Variants in GSPT1 observed in about 807,000 individuals in gnomAD.
GSPT1 encodes G1 to S phase transition 1.
A neutral mutation model predicts 72.5 loss-of-function variants in GSPT1; 20 were observed. The ratio of observed to expected loss-of-function variants is 0.28; its 90% confidence interval spans 0.19 to 0.40. The LOEUF is 0.40. GSPT1 is among the 10% of genes least tolerant of loss of function. GSPT1 has a pLI of 1.00. For synonymous variants in GSPT1, 334 were observed against 293.5 expected (o/e 1.14, Z -1.41); for missense variants, 580 against 811.9 (o/e 0.71, Z 3.47).
At position 11,868,457 on chromosome 16, in the gene GSPT1, T is replaced by G. The variant is rs1183558059; in HGVS notation, c.*4662A>C. On this transcript the variant is annotated 3_prime_UTR_variant, in exon 15 of 15. Transcript: ENST00000434724. ...GGCCTGAGAGATACCCACATTTCCT[T>G]TAGAACAAACAGAACTAATACCTGT... 3.3e-5 allele frequency: 5 copies of G among 152,010 alleles called. No individual in the cohort carries two copies. The highest frequency in any genetic ancestry group is 7.4e-5 in the Non-Finnish European group (5 of 68,016). 9.4% of individuals were successfully genotyped at this position (152,010 alleles called of 1,614,324 possible).
intron 4 of GSPT1, 141 bp from the exon 5 acceptor site, chr16:11,895,128 C>G (rs774940607): frequency 1.7e-6 from 1 of 596,160 alleles, no homozygotes; most frequent in East Asian, 3.0e-5. Flanking sequence ...TTACCCTTCT[C>G]CTTTTGAAAA....
intron 10 of GSPT1, among the ~76,000 whole-genome samples, chr16:11,884,282 T>C (rs1183645682): frequency 1.3e-5 from 2 of 152,214 alleles, no homozygotes; most frequent in Admixed American, 6.6e-5. Context: ...TTTACCAATA[T>C]GCATCAACTT....
intron 1 of GSPT1, among the ~76,000 whole-genome samples, chr16:11,910,207 G>A (rs1054199277): frequency 6.6e-6 from 1 of 152,136 alleles, no homozygotes; most frequent in African/African-American, 2.4e-5. Context: ...CAAGGCATTC[G>A]CAAAGAACAG....
intron 1 of GSPT1, among the ~76,000 whole-genome samples, chr16:11,907,459 G>C (rs1248888463): frequency 6.6e-6 from 1 of 152,136 alleles, no homozygotes; most frequent in Admixed American, 6.5e-5. Flanking sequence ...ATAAGGGGTG[G>C]TAAATGCTCA....
intron 1 of GSPT1, chr16:11,908,759 C>CAAAAAAAAAAAA (rs764948242): frequency 2.7e-4 from 7 of 25,668 alleles, no homozygotes; most frequent in Non-Finnish European, 2.7e-4. Flanking sequence ...GACTCCGTCT[C>CAAAAAAAAAAAA]AAAAAAAAAA....
At position 11,877,631 on chromosome 16, in the gene GSPT1, G is replaced by C; in HGVS notation, c.1429-51C>G. ...TTTTCTGACACATTCACTGCATTACGCAACATAAAATGATCTGAATGTCTG... is the reference window on the plus strand; with the variant it reads ...TTTTCTGACACATTCACTGCATTACCCAACATAAAATGATCTGAATGTCTG... On this transcript the variant is annotated intron_variant, in intron 11 of 14. Transcript: ENST00000434724. This position sits in a 1 kb window ranked among gnomAD's most constrained non-coding sequence, Gnocchi z 4.0. 8.8e-7 allele frequency: 1 copy of C among 1,142,552 alleles called. No individual in the cohort carries two copies. Among genetic ancestry groups the C allele is most frequent in the South Asian group, 1.6e-5 (1 of 62,480 alleles). The allele number at this position is 1,142,552 out of a possible 1,614,324, so 70.8% of individuals were successfully genotyped here. A position where few individuals can be genotyped will look rare whatever the true frequency, so the allele number is the denominator to read the frequency against.
chr16:11,893,305 T>G (rs116109805), intron 5 of GSPT1, among the ~76,000 whole-genome samples: 1,826 of 152,196 alleles, frequency 0.012, 36 homozygotes, highest in African/African-American at 0.042. Context: ...TTTTATTTTT[T>G]ATAGAAATGA....
At chr16:11,895,170 C>T in intron 4 of GSPT1, 183 bp from the exon 5 acceptor site, 1 of 496,098 alleles carries the variant, frequency 2.0e-6, no homozygotes, top group East Asian at 3.5e-5. Flanking sequence ...GTGGCTCACG[C>T]CTGTAATTCC....
At position 11,915,671 on chromosome 16, in the gene GSPT1, CT is replaced by C; in HGVS notation, c.49del (p.Ser17AlafsTer130). On this transcript the variant is annotated frameshift_variant, in exon 1 of 15. Coordinates refer to ENST00000434724, the MANE Select transcript of GSPT1 (RefSeq NM_002094.4). LOFTEE classifies it high-confidence loss of function. ...GGGGGGGGGGSSSGSSSSDSA... is the reference protein window; with the variant it reads ...GGGGGGGGGGXSSGSSSSDSA... ...GTCGCTGCTGCTGCTGCCGCTGCTG[CT>C]CCCGCCGCCGCCGCCGCCGCCGCCG... 1 of 1,485,146 alleles carries C rather than the reference CT, an allele frequency of 6.7e-7. No individual in the cohort carries two copies. Among genetic ancestry groups the C allele is most frequent in the Non-Finnish European group, 8.9e-7 (1 of 1,122,556 alleles). The allele number at this position is 1,485,146 out of a possible 1,614,324, so 92.0% of individuals were successfully genotyped here. A position where few individuals can be genotyped will look rare whatever the true frequency, so the allele number is the denominator to read the frequency against.
chr16:11,900,403 T>TA (rs2054391446), intron 1 of GSPT1, among the ~76,000 whole-genome samples: 1 of 151,490 alleles, frequency 6.6e-6, no homozygotes, highest in South Asian at 2.1e-4. Context: ...CAGACAAGGA[T>TA]AAAAGTACTC....
Position 11,885,252 on chromosome 16 carries a change from G to T in GSPT1, c.1276C>A (p.Leu426Met), listed in dbSNP as rs2054173831. The change falls in exon 10 of 15, where the codon CTG (leucine) becomes ATG (methionine). Residue 426 changes from leucine to methionine, a missense_variant. Leu to Met is a conservative substitution (Grantham distance 15). Coordinates refer to ENST00000434724, the MANE Select transcript of GSPT1 (RefSeq NM_002094.4). ...WYIGLPFIPY[L>M]DNLPNFNRSV... The stretch of plus-strand genomic sequence containing the variant: ...CTATTGAAGTTCGGCAAATTATCCA[G>T]ATATGGAATAAACGGTAATCCACTG... 9 of 1,575,524 alleles carry T rather than the reference G, an allele frequency of 5.7e-6. No individual in the cohort carries two copies. The highest frequency in any genetic ancestry group is 7.0e-6 in the Non-Finnish European group (8 of 1,145,208).
chr16:11,897,748 T>C (rs1362828597), intron 3 of GSPT1, 92 bp downstream of exon 3: 2 of 719,702 alleles, frequency 2.8e-6, no homozygotes, highest in Non-Finnish European at 5.0e-6. Context: ...AATGTAGGCA[T>C]TACAATAATC....
In GSPT1 at chr16:11,915,673, CCCGCCGCCGCCGCCG is replaced by C. The variant is rs3031121; in HGVS notation, c.33_47del (p.Gly12_Gly16del). 2.6e-4 allele frequency: 376 copies of C among 1,471,970 alleles called. 1 individual carries two copies. The highest frequency in any genetic ancestry group is 7.1e-4 in the African/African-American group (47 of 66,262). 91.2% of individuals were successfully genotyped at this position (1,471,970 alleles called of 1,614,324 possible). A position where few individuals can be genotyped will look rare whatever the true frequency, so the allele number is the denominator to read the frequency against. ...CGCTGCTGCTGCTGCCGCTGCTGCT[CCCGCCGCCGCCGCCG>C]CCGCCGCCGCCGCCGCCACTGCCCG... On this transcript the variant is annotated inframe_deletion, in exon 1 of 15. Coordinates refer to ENST00000434724, the MANE Select transcript of GSPT1 (RefSeq NM_002094.4).
chr16:11,874,454 C>CTTT (rs200991035), intron 14 of GSPT1, among the ~76,000 whole-genome samples: 2,355 of 95,284 alleles, frequency 0.025, 252 homozygotes, highest in Middle Eastern at 0.036. Context: ...GCCAAGTTAG[C>CTTT]TTTTTTTTTT....
At chr16:11,897,221 C>CT (rs2054351281) in intron 3 of GSPT1, among the ~76,000 whole-genome samples, 1 of 152,148 alleles carries the variant, frequency 6.6e-6, no homozygotes, top group Non-Finnish European at 1.5e-5. Context: ...TTGGCATCAA[C>CT]TTTAATCACG....
intron 13 of GSPT1, 76 bp from the exon 14 acceptor site, chr16:11,876,005 A>G: frequency 1.4e-6 from 2 of 1,467,580 alleles, no homozygotes; most frequent in Non-Finnish European, 1.9e-6. Context: ...GTAGAAATAA[A>G]AGTGCATCAC....
At position 11,913,226 on chromosome 16, in the gene GSPT1, C is replaced by A. The variant is rs578016736; in HGVS notation, c.352+2143G>T. Among the ~76,000 whole-genome samples the A allele has an allele frequency of 1.4e-4, 21 of 152,316 alleles. 1 individual carries two copies. The South Asian group carries it at 4.4e-3, about 32-fold the overall frequency. On this transcript the variant is annotated intron_variant, in intron 1 of 14. Coordinates refer to ENST00000434724, the MANE Select transcript of GSPT1 (RefSeq NM_002094.4). ...TCTGGAACATGCAATCCAACAGTCT[C>A]AATATAACCCTGGACCTCAACTTAG...
At chr16:11,915,160 C>T (rs561385804) in intron 1 of GSPT1, 19 of 1,027,734 alleles carry the variant, frequency 1.8e-5, no homozygotes, top group Non-Finnish European at 2.1e-5. Context: ...GGCGCGCTGC[C>T]CGCTGTCCGC....
rs1156742388 is a variant in GSPT1 at position 11,880,039 on chromosome 16, C to T, written c.1429-2459G>A. Among the ~76,000 whole-genome samples, 5 of 152,230 alleles carry T rather than the reference C, an allele frequency of 3.3e-5. 1 individual carries two copies. In the East Asian group the frequency reaches 9.6e-4, roughly 29 times the overall value. On this transcript the variant is annotated intron_variant, in intron 11 of 14. Coordinates refer to ENST00000434724, the MANE Select transcript of GSPT1 (RefSeq NM_002094.4). Reference sequence around the variant, plus strand: ...ACCCTGGCAACCACCATCCTACTTTCAGGTGACAAATGTGACTATTCCAGG... The same window carrying T: ...ACCCTGGCAACCACCATCCTACTTTTAGGTGACAAATGTGACTATTCCAGG...
Sources: gnomAD v4.1 joint callset for allele counts (sites outside exome capture counted in the v4.1 genomes callset) on GRCh38, gnomAD v4.1.1 for gene constraint, Gnocchi (gnomAD v3.1) non-coding constraint, MANE v1.5 for transcripts, NCBI Gene and HGNC (gene_info 2026-07-23, HGNC 2026-07-21) for gene names.